ODAD2: variants seen among roughly 807,000 people sequenced by gnomAD.
The protein encoded by ODAD2 is outer dynein arm docking complex subunit 2.
A neutral mutation model predicts 106.8 loss-of-function variants in ODAD2; 89 were observed. The ratio of observed to expected loss-of-function variants is 0.83; its 90% CI spans 0.70 to 0.99. The LOEUF (loss-of-function observed/expected upper bound fraction) is 0.99, where lower values mean the gene tolerates loss of function less well. Ranked by LOEUF, ODAD2 falls within the 50% of genes least tolerant of loss-of-function variation. The pLI is 0.00. For synonymous variants in ODAD2, 404 were observed against 436.2 expected (o/e 0.93, Z 0.92); for missense variants, 1,168 against 1,238.5 (o/e 0.94, Z 0.85).
chr10:27,871,383 G>C (rs188272586), intron 17 of ODAD2, among the ~76,000 whole-genome samples: 4 of 152,098 alleles, frequency 2.6e-5, no homozygotes, highest in African/African-American at 9.7e-5. Context: ...GTCAATTTTC[G>C]CTTTTGTTGC....
intron 16 of ODAD2, among the ~76,000 whole-genome samples, chr10:27,923,179 A>G (rs1036056803): frequency 3.3e-5 from 5 of 152,214 alleles, no homozygotes; most frequent in Non-Finnish European, 5.9e-5. Flanking sequence ...ATGAATGTGA[A>G]TGCGTTTAAC....
At chr10:27,817,072 A>G (rs1836193709) in intron 19 of ODAD2, among the ~76,000 whole-genome samples, 1 of 152,102 alleles carries the variant, frequency 6.6e-6, no homozygotes, top group Non-Finnish European at 1.5e-5. Flanking sequence ...TTATACATAC[A>G]CACAGATGTA....
At chr10:27,904,011 G>T (rs880707) in intron 17 of ODAD2, among the ~76,000 whole-genome samples, 100,695 of 151,976 alleles carry the variant, frequency 0.66, 33,696 homozygotes, top group Middle Eastern at 0.74. Context: ...AGGACTACCT[G>T]TTGCCAAAAA....
chr10:27,823,495 C>A (rs1449411912), intron 19 of ODAD2, among the ~76,000 whole-genome samples: 1 of 152,148 alleles, frequency 6.6e-6, no homozygotes, highest in African/African-American at 2.4e-5. Flanking sequence ...TCTCTCTAAA[C>A]CTTAGTTTTC....
chr10:27,941,022 C>T (rs1846380800), intron 12 of ODAD2, among the ~76,000 whole-genome samples: 1 of 152,112 alleles, frequency 6.6e-6, no homozygotes, highest in Non-Finnish European at 1.5e-5. Context: ...ACATTTCCTT[C>T]CCACAAGAAA....
At position 27,813,220 on chromosome 10, in the gene ODAD2, C is replaced by G. The variant is rs567322965; in HGVS notation, c.3022-595G>C. 4 of 152,286 alleles carry G rather than the reference C, an allele frequency of 2.6e-5. No individual in the cohort carries two copies. The South Asian group carries it at 8.3e-4, about 32-fold the overall frequency. The allele number at this position is 152,286 out of a possible 1,614,324, so 9.4% of individuals were successfully genotyped here. ...TGATGCTATCCCCTATCTAAAATGC[C>G]TTCCCATCCCCTTCTCTGGCTTGGT... On this transcript the variant is annotated intron_variant, in intron 19 of 19. Transcript: ENST00000305242.
At chr10:27,942,826 A>G (rs2132608065) in intron 12 of ODAD2, among the ~76,000 whole-genome samples, 1 of 152,330 alleles carries the variant, frequency 6.6e-6, no homozygotes, top group East Asian at 1.9e-4. Flanking sequence ...ATATTTCACC[A>G]TCTATTCATC....
chr10:27,840,646 G>A (rs1838244208), intron 19 of ODAD2, among the ~76,000 whole-genome samples: 1 of 152,156 alleles, frequency 6.6e-6, no homozygotes, highest in Non-Finnish European at 1.5e-5. Context: ...AGATCCAGGA[G>A]AAGCAGTAAA....
intron 16 of ODAD2, among the ~76,000 whole-genome samples, chr10:27,932,505 G>A (rs181081187): frequency 6.6e-5 from 10 of 152,226 alleles, no homozygotes; most frequent in South Asian, 2.1e-4. Flanking sequence ...ATAGTCTATC[G>A]AGTGATACAA....
chr10:27,921,986 G>GT (rs1385192077), intron 16 of ODAD2, among the ~76,000 whole-genome samples: 1 of 151,446 alleles, frequency 6.6e-6, no homozygotes, highest in African/African-American at 2.4e-5. Flanking sequence ...GGGCAACATG[G>GT]TGAAACCCTG....
At chr10:27,970,914 G>A (rs1848806223) in intron 8 of ODAD2, among the ~76,000 whole-genome samples, 194 bp downstream of exon 8, 1 of 152,034 alleles carries the variant, frequency 6.6e-6, no homozygotes, top group Admixed American at 6.6e-5. Flanking sequence ...AGAAGTTGCA[G>A]TGAGCTGAGA....
At chr10:27,942,106 A>C (rs1422918914) in intron 12 of ODAD2, among the ~76,000 whole-genome samples, 1 of 152,196 alleles carries the variant, frequency 6.6e-6, no homozygotes, top group Non-Finnish European at 1.5e-5. Flanking sequence ...ACAATAAATG[A>C]TGCAGTATGG....
At position 27,907,770 on chromosome 10, in the gene ODAD2, C is replaced by A. The variant is rs1270130618; in HGVS notation, c.2503G>T (p.Asp835Tyr). The change falls in exon 17 of 20, where the codon GAT becomes TAT. Residue 835 changes from aspartate to tyrosine, a missense_variant. By Grantham distance (160) the Asp-to-Tyr change is radical. Around this residue, in one of 3 missense-constraint regions of ODAD2, gnomAD observed 701 missense variants for 712.3 expected, o/e 0.98. Transcript: ENST00000305242. ...AVEPESMMII[D>Y]RLDGVRLLWS... Reference sequence around the variant, plus strand: ...AACAAACGAACTCCATCTAAGCGATCAATTATCCTATCGTGGAACCCAAAA... The same window carrying A: ...AACAAACGAACTCCATCTAAGCGATAAATTATCCTATCGTGGAACCCAAAA... 1.2e-6 allele frequency: 2 copies of A among 1,612,068 alleles called. No homozygotes were observed. The highest frequency in any genetic ancestry group is 1.1e-5 in the South Asian group (1 of 90,978).
intron 16 of ODAD2, among the ~76,000 whole-genome samples, chr10:27,926,598 G>A (rs2134014103): frequency 6.6e-6 from 1 of 152,184 alleles, no homozygotes. Context: ...CTGAGTAAAG[G>A]GCATGGGAAT....
At chr10:27,985,257 T>G in intron 3 of ODAD2, 46 bp from the exon 4 acceptor site, 2 of 1,388,074 alleles carry the variant, frequency 1.4e-6, no homozygotes, top group Non-Finnish European at 1.9e-6. Context: ...TATCCACTTG[T>G]CTTCTAGTAC....
intron 12 of ODAD2, 138 bp from the exon 13 acceptor site, chr10:27,940,943 C>A: frequency 5.6e-6 from 5 of 888,706 alleles, no homozygotes; most frequent in Non-Finnish European, 8.3e-6. Flanking sequence ...TTTTCGTACT[C>A]CATAGCAGCC....
intron 2 of ODAD2, among the ~76,000 whole-genome samples, chr10:27,990,085 TTATACTC>T (rs1333017178): frequency 6.6e-6 from 1 of 152,260 alleles, no homozygotes; most frequent in Middle Eastern, 3.4e-3. Flanking sequence ...AAAATTCTGT[TTATACTC>T]TAAAGCAAGA....
chr10:27,903,163 G>C (rs186736571), intron 17 of ODAD2, among the ~76,000 whole-genome samples: 1 of 152,088 alleles, frequency 6.6e-6, no homozygotes, highest in Non-Finnish European at 1.5e-5. Context: ...ATCAATAAAC[G>C]TAATCCATCA....
At chr10:27,907,513 C>T (rs989570672) in intron 17 of ODAD2, 150 bp downstream of exon 17, 17 of 512,630 alleles carry the variant, frequency 3.3e-5, no homozygotes, top group East Asian at 2.7e-4. Context: ...AGCAATGCTC[C>T]GAAATTATTT....
Sources: allele counts gnomAD v4.1 joint callset (sites outside exome capture counted in the v4.1 genomes callset), GRCh38; gene constraint gnomAD v4.1.1; regional missense constraint gnomAD v4.1.1; transcripts MANE v1.5; gene names NCBI Gene and HGNC (gene_info 2026-07-23, HGNC 2026-07-21).